The following USP16 variants were observed in gnomAD, a reference collection of about 807,000 sequenced individuals.
USP16 encodes the protein ubiquitin carboxyl-terminal hydrolase 16.
In USP16, 77 loss-of-function variants were observed where a neutral mutation model predicts 95.9. That is an observed-to-expected ratio of 0.80 (90% CI 0.67 to 0.97). The LOEUF is 0.97. USP16 is among the 50% of genes least tolerant of loss of function. USP16 has a pLI of 0.00. For synonymous variants in USP16, 303 were observed against 318.2 expected, an observed-to-expected ratio of 0.95 and a Z score of 0.51; for missense variants, 943 against 959.9, an observed-to-expected ratio of 0.98 and a Z score of 0.23.
rs543369683 is a variant in USP16 at position 29,048,284 on chromosome 21, C to G, written c.2012-477C>G. Among the ~76,000 whole-genome samples, 6 of 152,080 alleles carry G rather than the reference C, an allele frequency of 3.9e-5. 1 individual carries two copies. Among genetic ancestry groups the G allele is most frequent in the African/African-American group, 1.4e-4 (6 of 41,502 alleles). The stretch of plus-strand genomic sequence containing the variant: ...TTTTAATAGAGATAGGGTTTCGCCA[C>G]GTTGGCCAGGGTGGTCTCAAACTCC... On this transcript the variant is annotated intron_variant, in intron 14 of 17. Transcript: ENST00000399976.
chr21:29,045,051 T>C (rs1034158724), intron 13 of USP16, among the ~76,000 whole-genome samples: 5 of 152,244 alleles, frequency 3.3e-5, no homozygotes, highest in African/African-American at 7.2e-5. Flanking sequence ...ATGGAAAATA[T>C]TATCTCAGTG....
At position 29,027,899 on chromosome 21, in the gene USP16, C is replaced by A; in HGVS notation, c.-15C>A. The A allele has an allele frequency of 6.2e-7, 1 of 1,613,038 alleles. No individual in the cohort carries two copies. The highest frequency in any genetic ancestry group is 8.5e-7 in the Non-Finnish European group (1 of 1,179,508). ...TTGTTATTTTGTGTCAGTAAGTAAT[C>A]CATAAAGTGCCAACATGGGAAAGAA... On this transcript the variant is annotated 5_prime_UTR_variant, in exon 2 of 18. Transcript: ENST00000399976.
chr21:29,039,566 C>T lies in USP16; in HGVS notation c.949C>T (p.Gln317Ter). ...GGATGGGATGAGAGCAGAAGAACAC[C>T]AAGTTAGCATGTTATGACCATTGTA... is the stretch of plus-strand genomic sequence containing the variant. ...LLDGMRAEEH[Q>*]RVSKGILKAF... The change falls in exon 9 of 18, where the codon CAA (glutamine) becomes TAA (stop). Residue 317 changes from glutamine to a stop codon, truncating the protein, a stop_gained and splice_region_variant. Transcript: ENST00000399976. LOFTEE classifies it high-confidence loss of function. The T allele has an allele frequency of 6.2e-7, 1 of 1,611,932 alleles. No homozygotes were observed. Among genetic ancestry groups the T allele is most frequent in the Non-Finnish European group, 8.5e-7 (1 of 1,178,558 alleles).
At position 29,038,325 on chromosome 21, in the gene USP16, T is replaced by C. The variant is rs1191590385; in HGVS notation, c.637-10T>C. 6.3e-7 allele frequency: 1 copy of C among 1,575,676 alleles called. No homozygotes were observed. Among genetic ancestry groups the C allele is most frequent in the Non-Finnish European group, 8.7e-7 (1 of 1,152,008 alleles). On this transcript the variant is annotated splice_polypyrimidine_tract_variant and intron_variant, in intron 6 of 17. Transcript: ENST00000399976. ...TAATTTTTCTCTTTTTTTTTCACCC[T>C]ACATTCTAGAACTTGTCACAAACAC...
chr21:29,028,689 CATCCCAAA>C (rs2085030815), intron 2 of USP16, among the ~76,000 whole-genome samples: 1 of 152,224 alleles, frequency 6.6e-6, no homozygotes, highest in Non-Finnish European at 1.5e-5. Flanking sequence ...GCTTCCTCAG[CATCCCAAA>C]GTGCTGGGAT....
chr21:29,051,778 C>CGCAAT (rs2085418468), intron 16 of USP16, among the ~76,000 whole-genome samples: 1 of 151,224 alleles, frequency 6.6e-6, no homozygotes, highest in East Asian at 1.9e-4. Flanking sequence ...TGCAGTGAGC[C>CGCAAT]GAGATTGCGT....
chr21:29,048,081 G>GTA (rs2085357494), intron 14 of USP16, among the ~76,000 whole-genome samples: 2 of 150,624 alleles, frequency 1.3e-5, no homozygotes, highest in East Asian at 1.9e-4. Context: ...GTGTGTGTGT[G>GTA]TGTGTGTGTG....
intron 4 of USP16, among the ~76,000 whole-genome samples, chr21:29,035,972 T>C (rs1049225800): frequency 6.6e-6 from 1 of 152,220 alleles, no homozygotes; most frequent in Non-Finnish European, 1.5e-5. Flanking sequence ...TTGTTAGTGT[T>C]ATTCTGTATT....
rs1367112785 is a variant in USP16 at position 29,040,612 on chromosome 21, G to A, written c.955G>A (p.Val319Met). 3.4e-6 allele frequency: 5 copies of A among 1,466,770 alleles called. No individual in the cohort carries two copies. Among genetic ancestry groups the A allele is most frequent in the Middle Eastern group, 1.8e-4 (1 of 5,578 alleles). The allele number at this position is 1,466,770 out of a possible 1,614,324, so 90.9% of individuals were successfully genotyped here. ...DGMRAEEHQR[V>M]SKGILKAFGN... The stretch of plus-strand genomic sequence containing the variant: ...ATATCCATTTTATTACTTTTAGAGA[G>A]TGAGTAAAGGAATACTTAAAGCATT... The change falls in exon 10 of 18, where the codon GTG (valine) becomes ATG (methionine). Residue 319 changes from valine to methionine, a missense_variant. Val to Met is a conservative substitution (Grantham distance 21). Transcript: ENST00000399976.
intron 2 of USP16, among the ~76,000 whole-genome samples, chr21:29,028,535 A>G (rs1178137447): frequency 6.6e-6 from 1 of 152,018 alleles, no homozygotes; most frequent in Non-Finnish European, 1.5e-5. Context: ...TTGAGGGTTC[A>G]AGCGATTCTC....
intron 2 of USP16, 53 bp downstream of exon 2, chr21:29,028,027 T>G: frequency 7.2e-7 from 1 of 1,390,662 alleles, no homozygotes; most frequent in Non-Finnish European, 1.0e-6. Context: ...TGAATATGTT[T>G]TAAAATGTAA....
At chr21:29,052,997 TA>T (rs1054984764) in intron 16 of USP16, 1 of 152,182 alleles carries the variant, frequency 6.6e-6, no homozygotes, top group Admixed American at 6.6e-5. Flanking sequence ...AAAAAAATTT[TA>T]TGAAGTTGAA....
intron 9 of USP16, 71 bp downstream of exon 9, chr21:29,039,639 C>A (rs148081936): frequency 3.5e-6 from 5 of 1,412,362 alleles, no homozygotes; most frequent in East Asian, 2.5e-5. Context: ...TGATATCTTA[C>A]GAGTTAAAAC....
Position 29,024,669 on chromosome 21 carries a change from C to T in USP16, c.-150C>T. ...GGAAGTTATTGCTTTCCAGGGGTCA[C>T]TCTGGCTTCGACTCCGTCGCTCTCA... On this transcript the variant is annotated 5_prime_UTR_variant, in exon 1 of 18. Transcript: ENST00000399976. 1.6e-6 allele frequency: 2 copies of T among 1,282,058 alleles called. No individual in the cohort carries two copies. The highest frequency in any genetic ancestry group is 2.1e-4 in the Middle Eastern group (1 of 4,656). 79.4% of individuals were successfully genotyped at this position (1,282,058 alleles called of 1,614,324 possible).
chr21:29,040,615 A>C lies in USP16; in HGVS notation c.958A>C (p.Ser320Arg), dbSNP rs1407606226. 6.7e-7 allele frequency: 1 copy of C among 1,487,556 alleles called. No individual in the cohort carries two copies. Among genetic ancestry groups the C allele is most frequent in the Non-Finnish European group, 9.2e-7 (1 of 1,082,012 alleles). The allele number at this position is 1,487,556 out of a possible 1,614,324, so 92.1% of individuals were successfully genotyped here. The change falls in exon 10 of 18, where the codon AGT becomes CGT. Residue 320 changes from serine to arginine, a missense_variant. Coordinates refer to ENST00000399976, the MANE Select transcript of USP16 (RefSeq NM_006447.3). ...GMRAEEHQRV[S>R]KGILKAFGNS... Reference sequence around the variant, plus strand: ...TCCATTTTATTACTTTTAGAGAGTGAGTAAAGGAATACTTAAAGCATTTGG... The same window carrying C: ...TCCATTTTATTACTTTTAGAGAGTGCGTAAAGGAATACTTAAAGCATTTGG...
Position 29,043,609 on chromosome 21 carries a change from TAGG to T in USP16, c.1356+15_1356+17del, listed in dbSNP as rs745599001. 115 of 1,526,820 alleles carry T rather than the reference TAGG, an allele frequency of 7.5e-5. No homozygotes were observed. The highest frequency in any genetic ancestry group is 9.1e-5 in the Non-Finnish European group (104 of 1,144,176). 94.6% of individuals were successfully genotyped at this position (1,526,820 alleles called of 1,614,324 possible). ...CAAAAAGCAAGCCAAGGTGGGTAAT[TAGG>T]AGGAAAATCATATGCTTGTAATTTT... On this transcript the variant is annotated intron_variant, in intron 13 of 17. Coordinates refer to ENST00000399976, the MANE Select transcript of USP16 (RefSeq NM_006447.3).
Position 29,038,434 on chromosome 21 carries a change from T to C in USP16, c.732+4T>C. The C allele has an allele frequency of 1.9e-6, 3 of 1,603,356 alleles. No individual in the cohort carries two copies. Among genetic ancestry groups the C allele is most frequent in the South Asian group, 2.2e-5 (2 of 90,336 alleles). On this transcript the variant is annotated splice_donor_region_variant and intron_variant, in intron 7 of 17. Coordinates refer to ENST00000399976, the MANE Select transcript of USP16 (RefSeq NM_006447.3). ...ACCACCTGATTTGGCATTAACAGTA[T>C]GTTCTTTAAACTTTTCTAGTCTGTA...
intron 1 of USP16, 118 bp downstream of exon 1, chr21:29,024,895 T>A: frequency 1.9e-6 from 2 of 1,066,280 alleles, no homozygotes; most frequent in Non-Finnish European, 2.4e-6. Flanking sequence ...CTTAAGCACG[T>A]AACCCGGCTA....
At chr21:29,049,519 G>A (rs1010994392) in intron 15 of USP16, among the ~76,000 whole-genome samples, 1 of 152,148 alleles carries the variant, frequency 6.6e-6, no homozygotes, top group African/African-American at 2.4e-5. Flanking sequence ...TGGCATTTCT[G>A]GATGGCTGAA....
Sources: gnomAD v4.1 joint callset for allele counts (sites outside exome capture counted in the v4.1 genomes callset) on GRCh38, gnomAD v4.1.1 for gene constraint, MANE v1.5 for transcripts, NCBI Gene and HGNC (gene_info 2026-07-23, HGNC 2026-07-21) for gene names.